Variants in ALCAM observed in about 807,000 individuals in gnomAD.
The protein encoded by ALCAM is activated leukocyte cell adhesion molecule.
In ALCAM, 30 loss-of-function variants were observed where a neutral mutation model predicts 70.9. That is an observed-to-expected ratio of 0.42 (90% CI 0.32 to 0.57). ALCAM has a LOEUF of 0.57. Among genes scored for constraint, ALCAM ranks in the 20% least tolerant of loss-of-function variants. The pLI, the probability that ALCAM is intolerant of heterozygous loss-of-function variation, is 0.11. For synonymous variants in ALCAM, 249 were observed against 242.5 expected (o/e 1.03, Z -0.25); for missense variants, 591 against 695.1 (o/e 0.85, Z 1.68).
At chr3:105,464,939 A>G (rs1293657547) in intron 1 of ALCAM, among the ~76,000 whole-genome samples, 1 of 151,392 alleles carries the variant, frequency 6.6e-6, no homozygotes, top group Middle Eastern at 3.2e-3. Context: ...CTTTCCAGTC[A>G]ATCTCCCCTG....
At chr3:105,371,110 A>G (rs1935217894) in intron 1 of ALCAM, among the ~76,000 whole-genome samples, 1 of 152,138 alleles carries the variant, frequency 6.6e-6, no homozygotes, top group Non-Finnish European at 1.5e-5. Context: ...AAAAATTCAA[A>G]CTAGCTTATC....
chr3:105,532,610 A>G (rs1939867562), intron 4 of ALCAM, among the ~76,000 whole-genome samples: 1 of 149,626 alleles, frequency 6.7e-6, no homozygotes, highest in African/African-American at 2.4e-5. Context: ...CCCTGTGTAG[A>G]AAAAATATAT....
intron 3 of ALCAM, chr3:105,524,858 A>G: frequency 9.8e-7 from 1 of 1,016,110 alleles, no homozygotes; most frequent in South Asian, 4.3e-5. Context: ...GATATATGAT[A>G]TATATGTAAT....
intron 1 of ALCAM, among the ~76,000 whole-genome samples, chr3:105,383,422 C>T (rs1207457201): frequency 6.6e-6 from 1 of 151,756 alleles, no homozygotes; most frequent in African/African-American, 2.4e-5. Flanking sequence ...AGAACTTTCT[C>T]AGTACATACA....
intron 1 of ALCAM, among the ~76,000 whole-genome samples, chr3:105,405,372 C>T (rs1327512632): frequency 6.9e-6 from 1 of 145,674 alleles, no homozygotes; most frequent in Non-Finnish European, 1.5e-5. Context: ...ATTCTAAATA[C>T]ATATGCACCT....
At chr3:105,512,910 C>T (rs1321387798) in intron 1 of ALCAM, among the ~76,000 whole-genome samples, 1 of 151,822 alleles carries the variant, frequency 6.6e-6, no homozygotes, top group African/African-American at 2.4e-5. Flanking sequence ...TTATTAATTA[C>T]ATACATGTTT....
chr3:105,429,224 A>T (rs1936867231), intron 1 of ALCAM, among the ~76,000 whole-genome samples: 1 of 151,996 alleles, frequency 6.6e-6, no homozygotes, highest in African/African-American at 2.4e-5. Context: ...TCAGAATAAA[A>T]GCATCTGCCC....
At position 105,469,744 on chromosome 3, in the gene ALCAM, C is replaced by G. The variant is rs575273958; in HGVS notation, c.74-50323C>G. On this transcript the variant is annotated intron_variant, in intron 1 of 15. Coordinates refer to ENST00000306107, the MANE Select transcript of ALCAM (RefSeq NM_001627.4). The stretch of plus-strand genomic sequence containing the variant: ...AACTCCACTCCAAACTTTTTAACTG[C>G]TGTTATCACCTTCTGGAATATGTCC... 1.4e-3 allele frequency among the ~76,000 whole-genome samples: 217 copies of G among 151,208 alleles called. 2 individuals are homozygous for G. In the South Asian group the frequency reaches 0.027, roughly 19 times the overall value.
At chr3:105,456,694 T>C (rs1375715237) in intron 1 of ALCAM, among the ~76,000 whole-genome samples, 1 of 152,218 alleles carries the variant, frequency 6.6e-6, no homozygotes, top group African/African-American at 2.4e-5. Flanking sequence ...TTTTTGGCTA[T>C]GTTATAAGCC....
chr3:105,559,281 TATATA>T (rs1940583276), intron 14 of ALCAM, among the ~76,000 whole-genome samples: 1 of 146,094 alleles, frequency 6.8e-6, no homozygotes, highest in African/African-American at 2.5e-5. Context: ...CATATACACA[TATATA>T]ATATATACAT....
intron 1 of ALCAM, among the ~76,000 whole-genome samples, chr3:105,518,014 A>G (rs1001803468): frequency 2.0e-5 from 3 of 152,144 alleles, no homozygotes; most frequent in Non-Finnish European, 2.9e-5. Context: ...AAGACTCATT[A>G]TAAAATATTA....
chr3:105,368,110 A>G (rs1935117904), intron 1 of ALCAM, among the ~76,000 whole-genome samples: 1 of 151,828 alleles, frequency 6.6e-6, no homozygotes, highest in Non-Finnish European at 1.5e-5. Flanking sequence ...GGCAGATAAC[A>G]CAGCCAGAAC....
At position 105,547,464 on chromosome 3, in the gene ALCAM, G is replaced by C; in HGVS notation, c.1315G>C (p.Gly439Arg). 6.2e-7 allele frequency: 1 copy of C among 1,610,716 alleles called. No homozygotes were observed. Among genetic ancestry groups the C allele is most frequent in the Non-Finnish European group, 8.5e-7 (1 of 1,177,788 alleles). Residue 439 changes from glycine (G) to arginine (R), a missense_variant, in exon 11 of 16, where the codon GGT becomes CGT. Gly to Arg is a moderately radical substitution (Grantham distance 125). Transcript: ENST00000306107. The stretch of plus-strand genomic sequence containing the variant: ...TAAAACAATAATCTGCCATGTGGAA[G>C]GTTTTCCAAAGCCAGCCATTCAATG... Reference protein sequence around the residue: ...LSKTIICHVEGFPKPAIQWTI... With the variant: ...LSKTIICHVERFPKPAIQWTI...
chr3:105,493,156 T>C (rs1452260304), intron 1 of ALCAM, among the ~76,000 whole-genome samples: 6 of 152,322 alleles, frequency 3.9e-5, no homozygotes, highest in African/African-American at 1.4e-4. Flanking sequence ...CAGAATTAAC[T>C]GCTTGGATAG....
intron 1 of ALCAM, among the ~76,000 whole-genome samples, chr3:105,370,934 C>G (rs532281168): frequency 6.6e-6 from 1 of 152,076 alleles, no homozygotes; most frequent in Non-Finnish European, 1.5e-5. Context: ...TATGACAAAG[C>G]CTCATATTGT....
chr3:105,422,154 C>T (rs924835407), intron 1 of ALCAM, among the ~76,000 whole-genome samples: 1 of 151,352 alleles, frequency 6.6e-6, no homozygotes, highest in African/African-American at 2.4e-5. Context: ...TTCCAAGTTG[C>T]TAGTAAAAAC....
chr3:105,413,832 T>G (rs1168531423), intron 1 of ALCAM, among the ~76,000 whole-genome samples: 2 of 152,140 alleles, frequency 1.3e-5, no homozygotes, highest in East Asian at 3.9e-4. Context: ...TGTTTAATGT[T>G]TTTGACTAAA....
At chr3:105,480,786 C>A (rs972075833) in intron 1 of ALCAM, among the ~76,000 whole-genome samples, 1 of 152,122 alleles carries the variant, frequency 6.6e-6, no homozygotes, top group Non-Finnish European at 1.5e-5. Context: ...AAAGTATTTT[C>A]TGAGAACAAT....
chr3:105,524,920 G>T, intron 3 of ALCAM: 1 of 986,118 alleles, frequency 1.0e-6, no homozygotes, highest in African/African-American at 1.7e-5. Context: ...AAATGAAATT[G>T]CCATTTTGCT....
Sources: gnomAD v4.1 joint callset for allele counts (sites outside exome capture counted in the v4.1 genomes callset) on GRCh38, gnomAD v4.1.1 for gene constraint, MANE v1.5 for transcripts, NCBI Gene and HGNC (gene_info 2026-07-23, HGNC 2026-07-21) for gene names.